SEC14L1: variants seen among roughly 807,000 people sequenced by gnomAD.
SEC14L1 encodes SEC14 like lipid binding 1.
In SEC14L1, 48 loss-of-function variants were observed where a neutral mutation model predicts 85.3. The ratio of observed to expected loss-of-function variants is 0.56; its 90% CI spans 0.45 to 0.72. The LOEUF is 0.72. SEC14L1 is among the 30% of genes least tolerant of loss of function. The probability of loss-of-function intolerance (pLI) is 0.00; values close to 1 mark genes in which losing one functional copy is unlikely to be tolerated. For missense variants in SEC14L1, 682 were observed against 921.4 expected (o/e 0.74, Z 3.36); for synonymous variants, 391 against 355.5 (o/e 1.10, Z -1.12).
intron 15 of SEC14L1, 119 bp downstream of exon 15, chr17:77,212,320 C>T (rs1437119188): frequency 1.2e-5 from 17 of 1,404,822 alleles, no homozygotes. Context: ...TGAGGCCCTG[C>T]TTGTGGAGGA....
rs1262001744 is a variant in SEC14L1 at position 77,213,718 on chromosome 17, T to G, written c.2043-200T>G. The G allele has an allele frequency of 2.3e-6, 2 of 861,412 alleles. No individual in the cohort carries two copies. The highest frequency in any genetic ancestry group is 3.8e-6 in the Non-Finnish European group (2 of 530,228). The allele number at this position is 861,412 out of a possible 1,614,324, so 53.4% of individuals were successfully genotyped here. On this transcript the variant is annotated intron_variant, in intron 16 of 16. Coordinates refer to ENST00000436233, the MANE Select transcript of SEC14L1 (RefSeq NM_001143998.2). This position sits in a 1 kb window ranked among gnomAD's most constrained non-coding sequence, Gnocchi z 7.1. ...GCCGACTGACTGCCTTTGCTTTAGC[T>G]CACACTGCCGTCTGCGTGCAGGCTG...
In SEC14L1 at chr17:77,196,251, G is replaced by T; in HGVS notation, c.759G>T (p.Pro253=). The T allele has an allele frequency of 6.2e-7, 1 of 1,614,134 alleles. No individual in the cohort carries two copies. Among genetic ancestry groups the T allele is most frequent in the Non-Finnish European group, 8.5e-7 (1 of 1,180,014 alleles). ...AGAGATACCTGGGCGATTTGACTCC[G>T]CTGCAGGAGAGCTGCCTCATTAGAC... is the stretch of plus-strand genomic sequence containing the variant. The part of the protein sequence containing the change: ...YIKRYLGDLT[P]LQESCLIRLR... Residue 253 remains proline, a synonymous_variant, in exon 8 of 17, where the codon CCG becomes CCT. Coordinates refer to ENST00000436233, the MANE Select transcript of SEC14L1 (RefSeq NM_001143998.2).
chr17:77,162,830 C>CAA (rs55856950), intron 3 of SEC14L1, among the ~76,000 whole-genome samples: 52,630 of 148,016 alleles, frequency 0.36, 9,391 homozygotes, highest in Middle Eastern at 0.4. Flanking sequence ...AACTCTGTCT[C>CAA]AAAAAAAAAA....
rs1976966028 is a variant in SEC14L1, at chr17:77,214,967, A to G, written c.*944A>G. ...CACTTGACACTGTCCATGGGGTTTT[A>G]TTAGTAGCTAAGCAGCAGCTCTCGC... is the stretch of plus-strand genomic sequence containing the variant. On this transcript the variant is annotated 3_prime_UTR_variant, in exon 17 of 17. Coordinates refer to ENST00000436233, the MANE Select transcript of SEC14L1 (RefSeq NM_001143998.2). 1 of 985,280 alleles carries G rather than the reference A, an allele frequency of 1.0e-6. No individual in the cohort carries two copies. Among genetic ancestry groups the G allele is most frequent in the Non-Finnish European group, 1.2e-6 (1 of 829,982 alleles). 61.0% of individuals were successfully genotyped at this position (985,280 alleles called of 1,614,324 possible). A position where few individuals can be genotyped will look rare whatever the true frequency, so the allele number is the denominator to read the frequency against.
chr17:77,100,314 G>T (rs1304710313), intron 3 of SEC14L1, among the ~76,000 whole-genome samples: 1 of 151,814 alleles, frequency 6.6e-6, no homozygotes, highest in Admixed American at 6.6e-5. Context: ...TGCGCAAAAG[G>T]TGCCTACCGC....
intron 3 of SEC14L1, chr17:77,145,176 T>G (rs1973245673): frequency 6.6e-6 from 1 of 151,428 alleles, no homozygotes; most frequent in African/African-American, 2.4e-5. Context: ...TGTTTTTTAG[T>G]AGAGATGGGG....
intron 3 of SEC14L1, among the ~76,000 whole-genome samples, chr17:77,178,586 G>A (rs993772684): frequency 1.1e-4 from 16 of 152,278 alleles, no homozygotes; most frequent in Non-Finnish European, 1.8e-4. Flanking sequence ...GTTGTTCCAC[G>A]GATTGTGGGG....
chr17:77,100,192 A>T (rs1244953635), intron 3 of SEC14L1, among the ~76,000 whole-genome samples: 2 of 151,782 alleles, frequency 1.3e-5, no homozygotes, highest in African/African-American at 4.8e-5. Flanking sequence ...ATGTGGACTG[A>T]CCTCTTCCTG....
At chr17:77,170,573 G>T (rs1378351020) in intron 3 of SEC14L1, among the ~76,000 whole-genome samples, 2 of 152,142 alleles carry the variant, frequency 1.3e-5, no homozygotes, top group African/African-American at 4.8e-5. Flanking sequence ...TTCAAAAGTG[G>T]GAATGTCAGT....
Position 77,200,050 on chromosome 17 carries a change from C to G in SEC14L1, c.820-434C>G, listed in dbSNP as rs142858585. On this transcript the variant is annotated intron_variant, in intron 8 of 16. Coordinates refer to ENST00000436233, the MANE Select transcript of SEC14L1 (RefSeq NM_001143998.2). Reference sequence around the variant, plus strand: ...GCGTGGTGGCGTGTGCCTGTGGTTCCAGCTGCTCAGGAGGCTGAGGTGGGA... The same window carrying G: ...GCGTGGTGGCGTGTGCCTGTGGTTCGAGCTGCTCAGGAGGCTGAGGTGGGA... 3.7e-3 allele frequency among the ~76,000 whole-genome samples: 565 copies of G among 152,264 alleles called. 5 individuals carry two copies. Among genetic ancestry groups the G allele is most frequent in the African/African-American group, 0.013 (545 of 41,556 alleles).
chr17:77,117,229 C>T (rs1269881558), intron 3 of SEC14L1, among the ~76,000 whole-genome samples: 4 of 152,122 alleles, frequency 2.6e-5, no homozygotes, highest in African/African-American at 9.7e-5. Flanking sequence ...TGCCTATAGT[C>T]CCAGCTACTT....
intron 3 of SEC14L1, among the ~76,000 whole-genome samples, chr17:77,134,166 C>T (rs890236919): frequency 2.0e-5 from 3 of 152,062 alleles, no homozygotes; most frequent in African/African-American, 7.2e-5. Flanking sequence ...GTTGACTCCA[C>T]CCTGTTCAGC....
At chr17:77,184,463 T>G (rs1975177327) in intron 3 of SEC14L1, among the ~76,000 whole-genome samples, 1 of 152,128 alleles carries the variant, frequency 6.6e-6, no homozygotes, top group African/African-American at 2.4e-5. Flanking sequence ...CCTGAAAAAT[T>G]TTCTCCCCTG....
intron 3 of SEC14L1, among the ~76,000 whole-genome samples, chr17:77,173,097 CTA>C (rs1974593378): frequency 6.6e-6 from 1 of 152,178 alleles, no homozygotes; most frequent in Admixed American, 6.5e-5. Flanking sequence ...TGGTCAGCCA[CTA>C]TATAAGGGTC....
intron 8 of SEC14L1, among the ~76,000 whole-genome samples, chr17:77,199,815 A>G (rs977472375): frequency 6.6e-6 from 1 of 152,180 alleles, no homozygotes. Flanking sequence ...AGTAAGGGAG[A>G]TGTTTCTGGT....
intron 3 of SEC14L1, among the ~76,000 whole-genome samples, chr17:77,098,697 G>T (rs1971702707): frequency 6.6e-6 from 1 of 152,076 alleles, no homozygotes; most frequent in Admixed American, 6.6e-5. Context: ...CTTTCTCTGT[G>T]ACAAGGACCT....
rs1598412312 is a variant in SEC14L1, at chr17:77,214,234, A to G, written c.*211A>G. The G allele has an allele frequency of 3.0e-5, 42 of 1,378,954 alleles. 1 individual carries two copies. In the East Asian group the frequency reaches 1.1e-3, roughly 38 times the overall value. The allele number at this position is 1,378,954 out of a possible 1,614,324, so 85.4% of individuals were successfully genotyped here. On this transcript the variant is annotated 3_prime_UTR_variant, in exon 17 of 17. Coordinates refer to ENST00000436233, the MANE Select transcript of SEC14L1 (RefSeq NM_001143998.2). ...TCCTAACTTAACTCAATAGCCATAGATTTTGTATACGTTGTGCACAAAATC... is the reference window on the plus strand; with the variant it reads ...TCCTAACTTAACTCAATAGCCATAGGTTTTGTATACGTTGTGCACAAAATC...
chr17:77,209,289 C>G lies in SEC14L1; in HGVS notation c.1477-53C>G. ...AGTGCTGGCCGGTGTGTCTGGGTTTCGTGGGGTTGGTTTGTGTTTGCACAG... is the reference window on the plus strand; with the variant it reads ...AGTGCTGGCCGGTGTGTCTGGGTTTGGTGGGGTTGGTTTGTGTTTGCACAG... On this transcript the variant is annotated intron_variant, in intron 13 of 16. Transcript: ENST00000436233. The G allele has an allele frequency of 3.1e-6, 5 of 1,602,898 alleles. No individual in the cohort carries two copies. The East Asian group carries it at 1.1e-4, about 36-fold the overall frequency.
Position 77,212,039 on chromosome 17 carries a change from C to G in SEC14L1, c.1701C>G (p.Ser567=). The part of the protein sequence containing the change: ...KGDIVFNIYH[S]KRSPQPPKKD... The stretch of plus-strand genomic sequence containing the variant: ...ACATTGTGTTTAACATCTATCACTC[C>G]AAGAGGTCGCCACAACCACCCAAAA... Residue 567 remains serine, a synonymous_variant, in exon 15 of 17, where the codon TCC becomes TCG. Transcript: ENST00000436233. 6.2e-7 allele frequency: 1 copy of G among 1,614,106 alleles called. No individual in the cohort carries two copies. The highest frequency in any genetic ancestry group is 8.5e-7 in the Non-Finnish European group (1 of 1,180,018).
Sources: allele counts gnomAD v4.1 joint callset (sites outside exome capture counted in the v4.1 genomes callset), GRCh38; gene constraint gnomAD v4.1.1; non-coding constraint Gnocchi (gnomAD v3.1); transcripts MANE v1.5; gene names NCBI Gene and HGNC (gene_info 2026-07-23, HGNC 2026-07-21).